SOX6: variants seen among roughly 807,000 people sequenced by gnomAD.
SOX6 encodes the protein transcription factor SOX-6.
A neutral mutation model predicts 97.8 loss-of-function variants in SOX6; 11 were observed. The observed-to-expected ratio is 0.11, with a 90% CI of 0.07 to 0.19. The LOEUF (loss-of-function observed/expected upper bound fraction) is 0.19, where lower values mean the gene tolerates loss of function less well. SOX6 is among the 10% of genes least tolerant of loss of function. SOX6 has a pLI of 1.00. For missense variants in SOX6, 810 were observed against 1,039.5 expected (o/e 0.78, Z 3.04); for synonymous variants, 360 against 371.4 (o/e 0.97, Z 0.35).
intron 1 of SOX6, among the ~76,000 whole-genome samples, chr11:16,385,334 T>C (rs1257562020): frequency 6.6e-6 from 1 of 152,142 alleles, no homozygotes; most frequent in Admixed American, 6.6e-5. Context: ...TCTTGGATTC[T>C]GATTGTCAGT....
chr11:16,398,969 T>C (rs1233848711), intron 1 of SOX6, among the ~76,000 whole-genome samples: 1 of 151,386 alleles, frequency 6.6e-6, no homozygotes. Context: ...AAAAAGATGA[T>C]GATTCAAAAG....
At chr11:16,725,658 G>A (rs1218619862) in intron 2 of SOX6, among the ~76,000 whole-genome samples, 1 of 152,084 alleles carries the variant, frequency 6.6e-6, no homozygotes, top group African/African-American at 2.4e-5. Flanking sequence ...AGGAAAACAA[G>A]GAGGAGGGAT....
chr11:16,329,249 A>C (rs1590130005), intron 2 of SOX6, among the ~76,000 whole-genome samples: 1 of 152,314 alleles, frequency 6.6e-6, no homozygotes, highest in East Asian at 1.9e-4. Context: ...CAAACCCAAA[A>C]GTTTGTTGAA....
chr11:16,694,682 G>A (rs1848040353), intron 3 of SOX6, among the ~76,000 whole-genome samples: 2 of 152,182 alleles, frequency 1.3e-5, no homozygotes, highest in East Asian at 1.9e-4. Flanking sequence ...TATATAACTG[G>A]CAAGTAGTAG....
chr11:16,540,727 A>T (rs1315678483), intron 4 of SOX6, among the ~76,000 whole-genome samples: 1 of 152,154 alleles, frequency 6.6e-6, no homozygotes, highest in Non-Finnish European at 1.5e-5. Context: ...CACAATTGCT[A>T]CAGTGAGAAT....
In SOX6 at chr11:16,605,172, G is replaced by T. The variant is rs1282030999; in HGVS notation, n.609+6909C>A. On this transcript the variant is annotated intron_variant and non_coding_transcript_variant, in intron 4 of 5. Coordinates refer to the SOX6 transcript ENST00000524520. The surrounding 1 kb of genome is among the most constrained non-coding windows in gnomAD (Gnocchi z 5.3). ...CCGCGGCCCCGGCTGCAGAGGAACGGCGGGTGGCGGGGCCCCGGCAGGGCG... is the reference window on the plus strand; with the variant it reads ...CCGCGGCCCCGGCTGCAGAGGAACGTCGGGTGGCGGGGCCCCGGCAGGGCG... 6.6e-6 allele frequency among the ~76,000 whole-genome samples: 1 copy of T among 151,976 alleles called. No individual in the cohort carries two copies. The highest frequency in any genetic ancestry group is 1.5e-5 in the Non-Finnish European group (1 of 67,952).
intron 3 of SOX6, among the ~76,000 whole-genome samples, chr11:16,237,203 C>G (rs866049879): frequency 4.6e-5 from 7 of 152,028 alleles, no homozygotes; most frequent in African/African-American, 1.7e-4. Flanking sequence ...TATCTGACTG[C>G]CAAACCTCTA....
intron 4 of SOX6, among the ~76,000 whole-genome samples, chr11:16,512,610 A>C (rs367593910): frequency 6.6e-6 from 1 of 152,218 alleles, no homozygotes; most frequent in East Asian, 1.9e-4. Context: ...CTACTAAGTT[A>C]TTAGTATATA....
intron 6 of SOX6, among the ~76,000 whole-genome samples, chr11:16,160,030 T>C (rs1040031500): frequency 6.6e-6 from 1 of 152,084 alleles, no homozygotes; most frequent in Non-Finnish European, 1.5e-5. Flanking sequence ...CCTGATAAAA[T>C]TGCCTTAGCA....
At chr11:16,381,298 G>A (rs1482460842) in intron 1 of SOX6, among the ~76,000 whole-genome samples, 3 of 152,130 alleles carry the variant, frequency 2.0e-5, no homozygotes, top group Non-Finnish European at 4.4e-5. Context: ...AAAAAGAACT[G>A]GGGACCAAAT....
chr11:16,437,366 T>G (rs893657289), intron 1 of SOX6, among the ~76,000 whole-genome samples: 25 of 152,080 alleles, frequency 1.6e-4, no homozygotes, highest in African/African-American at 5.3e-4. Flanking sequence ...ACAGTCAGTA[T>G]ATATTTTCCC....
intron 3 of SOX6, among the ~76,000 whole-genome samples, chr11:16,671,050 C>T (rs1426025291): frequency 2.0e-5 from 3 of 152,138 alleles, no homozygotes; most frequent in Non-Finnish European, 4.4e-5. Context: ...ACTAACATAC[C>T]CCACTATGAA....
intron 13 of SOX6, among the ~76,000 whole-genome samples, chr11:16,004,355 G>A (rs1437879935): frequency 1.3e-5 from 2 of 152,052 alleles, no homozygotes; most frequent in Non-Finnish European, 2.9e-5. Context: ...ATGGTCAGCT[G>A]AATTGTTTCA....
intron 4 of SOX6, among the ~76,000 whole-genome samples, chr11:16,608,753 C>G (rs925068769): frequency 6.6e-6 from 1 of 152,082 alleles, no homozygotes; most frequent in Non-Finnish European, 1.5e-5. Context: ...TACACTTTCA[C>G]GGCAATAAAT....
intron 4 of SOX6, among the ~76,000 whole-genome samples, chr11:16,197,113 C>CG (rs1385320729): frequency 1.3e-5 from 2 of 152,050 alleles, no homozygotes; most frequent in African/African-American, 4.8e-5. Context: ...GGATTACAGG[C>CG]GGGAGCCACC....
chr11:16,290,971 G>A (rs1854892910), intron 3 of SOX6, among the ~76,000 whole-genome samples: 1 of 151,918 alleles, frequency 6.6e-6, no homozygotes, highest in South Asian at 2.1e-4. Flanking sequence ...TGCACCTCGG[G>A]GAAGCTTGAT....
intron 4 of SOX6, among the ~76,000 whole-genome samples, chr11:16,218,039 T>C (rs1852423663): frequency 6.6e-6 from 1 of 152,178 alleles, no homozygotes; most frequent in Non-Finnish European, 1.5e-5. Context: ...TTTCTTATTG[T>C]TCATCAATAT....
intron 1 of SOX6, among the ~76,000 whole-genome samples, chr11:16,411,850 A>T (rs1858826543): frequency 6.6e-6 from 1 of 152,168 alleles, no homozygotes; most frequent in African/African-American, 2.4e-5. Context: ...TTTCTAAACT[A>T]GTGAGAGCTT....
Position 15,969,116 on chromosome 11 carries a change from G to A in SOX6, c.*3693C>T, listed in dbSNP as rs1853231517. ...TTTTGGGAGAGGATTGCCTGGCAGT[G>A]TCCCAATTCTAAGTGACAAGGAGAA... On this transcript the variant is annotated 3_prime_UTR_variant, in exon 16 of 16. Coordinates refer to ENST00000683767, the MANE Select transcript of SOX6 (RefSeq NM_001367873.1). 1 of 129,746 alleles carries A rather than the reference G, an allele frequency of 7.7e-6. No individual in the cohort carries two copies. The highest frequency in any genetic ancestry group is 3.0e-5 in the African/African-American group (1 of 33,644). The allele number at this position is 129,746 out of a possible 1,614,324, so 8.0% of individuals were successfully genotyped here.
Sources: allele counts gnomAD v4.1 joint callset (sites outside exome capture counted in the v4.1 genomes callset), GRCh38; gene constraint gnomAD v4.1.1; non-coding constraint Gnocchi (gnomAD v3.1); transcripts MANE v1.5; gene names NCBI Gene and HGNC (gene_info 2026-07-23, HGNC 2026-07-21).